MGAT4C: variants seen among roughly 807,000 people sequenced by gnomAD.
The protein encoded by MGAT4C is alpha-1,3-mannosyl-glycoprotein 4-beta-N-acetylglucosaminyltransferase C.
A neutral mutation model predicts 40.1 loss-of-function variants in MGAT4C; 19 were observed. The ratio of observed to expected loss-of-function variants is 0.47; its 90% confidence interval spans 0.33 to 0.70. The LOEUF is 0.70. MGAT4C is among the 30% of genes least tolerant of loss of function. The pLI, the probability that MGAT4C is intolerant of heterozygous loss-of-function variation, is 0.02. For synonymous variants in MGAT4C, 181 were observed against 187.1 expected, an observed-to-expected ratio of 0.97 and a Z score of 0.27; for missense variants, 491 against 563.2, an observed-to-expected ratio of 0.87 and a Z score of 1.30.
At chr12:86,558,192 G>A (rs1192859502) in intron 2 of MGAT4C, among the ~76,000 whole-genome samples, 1 of 152,024 alleles carries the variant, frequency 6.6e-6, no homozygotes, top group Non-Finnish European at 1.5e-5. Flanking sequence ...GATGAAGCCT[G>A]CTTATATGAC....
chr12:86,045,982 C>A (rs1592770950), intron 2 of MGAT4C, among the ~76,000 whole-genome samples: 1 of 152,086 alleles, frequency 6.6e-6, no homozygotes, highest in Non-Finnish European at 1.5e-5. Context: ...ATGGTTTTAC[C>A]TGAACACTTG....
intron 3 of MGAT4C, among the ~76,000 whole-genome samples, chr12:86,397,564 A>T: frequency 6.6e-6 from 1 of 151,530 alleles, no homozygotes; most frequent in East Asian, 1.9e-4. Flanking sequence ...TCTTATGTTT[A>T]TTCACCCTAC....
At chr12:86,433,434 T>C (rs1412385904) in intron 3 of MGAT4C, among the ~76,000 whole-genome samples, 2 of 151,278 alleles carry the variant, frequency 1.3e-5, no homozygotes, top group Non-Finnish European at 2.9e-5. Flanking sequence ...CTGAGGGAAT[T>C]GATACTTTTT....
chr12:86,373,561 T>C (rs752241890), intron 3 of MGAT4C, among the ~76,000 whole-genome samples: 2 of 151,942 alleles, frequency 1.3e-5, no homozygotes, highest in Non-Finnish European at 2.9e-5. Flanking sequence ...CCAGAGCAGA[T>C]TAAAGAAGAA....
chr12:86,648,638 T>C (rs2136531547), intron 2 of MGAT4C, among the ~76,000 whole-genome samples: 1 of 151,988 alleles, frequency 6.6e-6, no homozygotes, highest in South Asian at 2.1e-4. Context: ...GGGAGTTGAA[T>C]AGATAGGCAC....
intron 1 of MGAT4C, among the ~76,000 whole-genome samples, chr12:86,250,290 A>G (rs1952214464): frequency 6.6e-6 from 1 of 151,528 alleles, no homozygotes; most frequent in Admixed American, 6.6e-5. Flanking sequence ...TAGATGCTTC[A>G]TTAAAACAAA....
At position 86,537,163 on chromosome 12, in the gene MGAT4C, T is replaced by C. The variant is rs548246574; in HGVS notation, c.-228-101898A>G. 4.6e-5 allele frequency among the ~76,000 whole-genome samples: 7 copies of C among 151,756 alleles called. No individual in the cohort carries two copies. The East Asian group carries it at 9.8e-4, about 21-fold the overall frequency. Reference sequence around the variant, plus strand: ...GCATGTTCTCACTCATAGGTGGGAATTGAACAATGAGAACACATGGACACA... The same window carrying C: ...GCATGTTCTCACTCATAGGTGGGAACTGAACAATGAGAACACATGGACACA... On this transcript the variant is annotated intron_variant, in intron 2 of 7. Coordinates refer to the MGAT4C transcript ENST00000548651.
At chr12:86,271,856 G>A (rs1467947063) in intron 4 of MGAT4C, among the ~76,000 whole-genome samples, 5 of 152,152 alleles carry the variant, frequency 3.3e-5, no homozygotes, top group Admixed American at 3.3e-4. Context: ...CAGCAACAAG[G>A]ATAGAACTGG....
chr12:86,053,012 T>G (rs370669073), intron 1 of MGAT4C, among the ~76,000 whole-genome samples: 6 of 151,964 alleles, frequency 3.9e-5, no homozygotes, highest in East Asian at 3.9e-4. Flanking sequence ...TACTGGAGTC[T>G]GGCTGCACTT....
intron 2 of MGAT4C, among the ~76,000 whole-genome samples, chr12:86,644,221 T>C (rs555372746): frequency 2.0e-5 from 3 of 151,696 alleles, no homozygotes; most frequent in Non-Finnish European, 4.4e-5. Flanking sequence ...CACAATACAC[T>C]AAAGCTCACT....
intron 2 of MGAT4C, among the ~76,000 whole-genome samples, chr12:86,040,855 T>C (rs1416495778): frequency 6.6e-6 from 1 of 152,168 alleles, no homozygotes; most frequent in African/African-American, 2.4e-5. Context: ...GTCTGTGTGT[T>C]GCGAAAACCA....
intron 3 of MGAT4C, among the ~76,000 whole-genome samples, chr12:86,423,107 C>T (rs1279227658): frequency 1.3e-5 from 2 of 152,066 alleles, no homozygotes; most frequent in African/African-American, 4.8e-5. Context: ...TTTTGCAACT[C>T]TTTCTTTGCC....
At chr12:86,356,994 T>C (rs556549454) in intron 3 of MGAT4C, among the ~76,000 whole-genome samples, 2 of 152,182 alleles carry the variant, frequency 1.3e-5, no homozygotes, top group African/African-American at 4.8e-5. Flanking sequence ...ACCACAGAGT[T>C]TGAGATCTGA....
chr12:86,634,852 A>C (rs1174222094), intron 2 of MGAT4C, among the ~76,000 whole-genome samples: 1 of 152,160 alleles, frequency 6.6e-6, no homozygotes, highest in African/African-American at 2.4e-5. Flanking sequence ...CTTGACTAGC[A>C]GCAAGTCATA....
chr12:86,613,921 G>T (rs932368648), intron 2 of MGAT4C, among the ~76,000 whole-genome samples: 10 of 151,880 alleles, frequency 6.6e-5, no homozygotes, highest in African/African-American at 2.4e-4. Context: ...TACATAAATT[G>T]AAAGACATAA....
chr12:86,787,973 A>G (rs1441693853), intron 1 of MGAT4C, among the ~76,000 whole-genome samples: 1 of 152,076 alleles, frequency 6.6e-6, no homozygotes, highest in African/African-American at 2.4e-5. Flanking sequence ...AAAGCTTTGA[A>G]CTTTGTCTAG....
chr12:86,633,192 T>C (rs745627189), intron 2 of MGAT4C, among the ~76,000 whole-genome samples: 20 of 152,006 alleles, frequency 1.3e-4, no homozygotes, highest in Non-Finnish European at 2.6e-4. Flanking sequence ...GAGAACATAA[T>C]AGAAGATTAG....
intron 1 of MGAT4C, among the ~76,000 whole-genome samples, chr12:86,185,926 C>G (rs1333642110): frequency 2.0e-5 from 3 of 151,598 alleles, no homozygotes; most frequent in Non-Finnish European, 4.4e-5. Flanking sequence ...CTCCCCACCC[C>G]AGAAAAAAAA....
At position 85,968,517 on chromosome 12, in the gene MGAT4C, A is replaced by G. The variant is rs2136654985; in HGVS notation, c.*10772T>C. Reference sequence around the variant, plus strand: ...AAATTGACTGGAACTTTTATTTTTCAGTACAACAATAATAGTATTGAAATA... The same window carrying G: ...AAATTGACTGGAACTTTTATTTTTCGGTACAACAATAATAGTATTGAAATA... On this transcript the variant is annotated 3_prime_UTR_variant, in exon 5 of 5. Transcript: ENST00000611864. 6.6e-6 allele frequency: 1 copy of G among 152,126 alleles called. No homozygotes were observed. Among genetic ancestry groups the G allele is most frequent in the Admixed American group, 6.6e-5 (1 of 15,248 alleles). The allele number at this position is 152,126 out of a possible 1,614,324, so 9.4% of individuals were successfully genotyped here.
Sources: allele counts gnomAD v4.1 joint callset (sites outside exome capture counted in the v4.1 genomes callset), GRCh38; gene constraint gnomAD v4.1.1; transcripts MANE v1.5; gene names NCBI Gene and HGNC (gene_info 2026-07-23, HGNC 2026-07-21).